ZNF804B: variants seen among roughly 807,000 people sequenced by gnomAD.
The protein encoded by ZNF804B is zinc finger 804B.
In ZNF804B, 80 loss-of-function variants were observed where a neutral mutation model predicts 101.4. The observed-to-expected ratio is 0.79, with a 90% CI of 0.66 to 0.95. The LOEUF (loss-of-function observed/expected upper bound fraction) is 0.95. Ranked by LOEUF, ZNF804B falls within the 40% of genes least tolerant of loss-of-function variation. ZNF804B has a pLI of 0.00. For missense variants in ZNF804B, 1,673 were observed against 1,561.9 expected, an observed-to-expected ratio of 1.07 and a Z score of -1.20; for synonymous variants, 622 against 558.8, an observed-to-expected ratio of 1.11 and a Z score of -1.59.
At chr7:89,152,524 C>T (rs1389191839) in intron 1 of ZNF804B, among the ~76,000 whole-genome samples, 5 of 151,856 alleles carry the variant, frequency 3.3e-5, no homozygotes, top group Non-Finnish European at 7.4e-5. Flanking sequence ...TCTATCTGAA[C>T]ATATGCAGAA....
chr7:88,778,968 G>C (rs1047123264), intron 1 of ZNF804B, among the ~76,000 whole-genome samples: 1 of 152,028 alleles, frequency 6.6e-6, no homozygotes, highest in Admixed American at 6.6e-5. Context: ...CAAAAATTGG[G>C]GTTTTAAAAT....
At chr7:89,014,217 T>A (rs1042406862) in intron 1 of ZNF804B, among the ~76,000 whole-genome samples, 1 of 152,160 alleles carries the variant, frequency 6.6e-6, no homozygotes, top group Non-Finnish European at 1.5e-5. Context: ...CAACATTAAT[T>A]TTTTTTCTTT....
At chr7:89,173,717 C>G (rs1791274233) in intron 1 of ZNF804B, among the ~76,000 whole-genome samples, 1 of 152,056 alleles carries the variant, frequency 6.6e-6, no homozygotes, top group Admixed American at 6.6e-5. Context: ...TGTCTTCTGT[C>G]TATCCATCCA....
intron 1 of ZNF804B, among the ~76,000 whole-genome samples, chr7:89,172,692 G>C (rs1242835228): frequency 6.6e-6 from 1 of 152,082 alleles, no homozygotes; most frequent in African/African-American, 2.4e-5. Flanking sequence ...AGTTTATTAT[G>C]GTTAAGCAAA....
At chr7:89,015,373 A>G (rs1352767482) in intron 1 of ZNF804B, among the ~76,000 whole-genome samples, 1 of 151,298 alleles carries the variant, frequency 6.6e-6, no homozygotes, top group Non-Finnish European at 1.5e-5. Flanking sequence ...TTTAGGGTAC[A>G]TGGGCACAAT....
chr7:89,305,106 G>A (rs1790540656), intron 2 of ZNF804B, among the ~76,000 whole-genome samples: 1 of 151,932 alleles, frequency 6.6e-6, no homozygotes, highest in Non-Finnish European at 1.5e-5. Context: ...CAGCATTTAT[G>A]TCATAGTTTT....
At chr7:88,977,959 A>C (rs890712602) in intron 1 of ZNF804B, among the ~76,000 whole-genome samples, 33 of 151,298 alleles carry the variant, frequency 2.2e-4, no homozygotes, top group Non-Finnish European at 3.8e-4. Flanking sequence ...AGACATTTTA[A>C]AACTTTCTTT....
At chr7:89,021,875 G>A (rs1389547080) in intron 1 of ZNF804B, among the ~76,000 whole-genome samples, 1 of 152,122 alleles carries the variant, frequency 6.6e-6, no homozygotes, top group African/African-American at 2.4e-5. Context: ...GGGACACAAA[G>A]GGTCAGTAGG....
intron 1 of ZNF804B, among the ~76,000 whole-genome samples, chr7:88,863,982 T>A (rs995546576): frequency 6.6e-6 from 1 of 152,228 alleles, no homozygotes; most frequent in Non-Finnish European, 1.5e-5. Flanking sequence ...AAAACTCTGC[T>A]CAGCAGTTAA....
At chr7:88,885,728 TAAAG>T (rs961027539) in intron 1 of ZNF804B, among the ~76,000 whole-genome samples, 1 of 151,448 alleles carries the variant, frequency 6.6e-6, no homozygotes, top group African/African-American at 2.4e-5. Flanking sequence ...TAAGATTACT[TAAAG>T]AGAATATCTT....
intron 1 of ZNF804B, chr7:88,795,152 GAC>G (rs1201589971): frequency 7.1e-6 from 3 of 425,484 alleles, no homozygotes; most frequent in Non-Finnish European, 1.2e-5. Context: ...TGAAATGAAA[GAC>G]AATGTTAAAA....
rs1445378554 is a variant in ZNF804B, at chr7:89,335,070, C to A, written c.2088C>A (p.Tyr696Ter). The A allele has an allele frequency of 1.2e-6, 2 of 1,613,822 alleles. No homozygotes were observed. Among genetic ancestry groups the A allele is most frequent in the East Asian group, 4.5e-5 (2 of 44,846 alleles). The part of the protein sequence containing the change: ...SKVSGCGNQR[Y>*]KRYSPQSCLS... ...TTTCCGGATGTGGAAACCAAAGATA[C>A]AAGAGATACTCTCCACAGTCATGTT... The change falls in exon 4 of 4, where the codon TAC (tyrosine) becomes TAA (stop). Residue 696 changes from tyrosine to a stop codon, truncating the protein, a stop_gained. Transcript: ENST00000333190. LOFTEE classifies it high-confidence loss of function.
At chr7:89,306,751 GT>G (rs1790567791) in intron 2 of ZNF804B, among the ~76,000 whole-genome samples, 1 of 151,794 alleles carries the variant, frequency 6.6e-6, no homozygotes, top group Non-Finnish European at 1.5e-5. Flanking sequence ...TATAGAAATG[GT>G]TATAACTTGT....
chr7:89,286,544 G>A (rs35458437), intron 2 of ZNF804B, among the ~76,000 whole-genome samples: 18,569 of 152,124 alleles, frequency 0.12, 1,216 homozygotes, highest in Middle Eastern at 0.26. Flanking sequence ...GGCAAAATAC[G>A]GAGTCGGTGA....
intron 1 of ZNF804B, among the ~76,000 whole-genome samples, chr7:88,783,402 G>C (rs1562792412): frequency 6.6e-6 from 1 of 152,238 alleles, no homozygotes; most frequent in African/African-American, 2.4e-5. Flanking sequence ...CTGTGACTTT[G>C]GGCGCATCTC....
chr7:88,907,029 T>G (rs1167068929), intron 1 of ZNF804B, among the ~76,000 whole-genome samples: 1 of 152,070 alleles, frequency 6.6e-6, no homozygotes, highest in Non-Finnish European at 1.5e-5. Flanking sequence ...TTACAGTCTG[T>G]TTTATCTGAT....
chr7:88,866,484 A>G (rs776212546), intron 1 of ZNF804B, among the ~76,000 whole-genome samples: 1 of 152,210 alleles, frequency 6.6e-6, no homozygotes, highest in Non-Finnish European at 1.5e-5. Flanking sequence ...TATCTTCCCA[A>G]TATCACCATG....
chr7:88,774,429 G>T (rs920369172), intron 1 of ZNF804B, among the ~76,000 whole-genome samples: 12 of 151,940 alleles, frequency 7.9e-5, no homozygotes, highest in African/African-American at 2.9e-4. Context: ...CTAGTGTGAG[G>T]TCCAGAGTAC....
intron 1 of ZNF804B, among the ~76,000 whole-genome samples, chr7:89,152,212 C>G (rs11978524): frequency 0.21 from 31,890 of 150,798 alleles, 3,393 homozygotes; most frequent in Middle Eastern, 0.25. Flanking sequence ...TATTTCATAG[C>G]AAATAGTCAA....
Sources: allele counts gnomAD v4.1 joint callset (sites outside exome capture counted in the v4.1 genomes callset), GRCh38; gene constraint gnomAD v4.1.1; transcripts MANE v1.5; gene names NCBI Gene and HGNC (gene_info 2026-07-23, HGNC 2026-07-21).